Variants in MBNL2 observed in about 807,000 individuals in gnomAD.
MBNL2 encodes the protein muscleblind like splicing regulator 2.
MBNL2 carries 17 observed loss-of-function variants against 41.9 expected under a neutral mutation model. The observed-to-expected ratio is 0.41, with a 90% confidence interval of 0.28 to 0.61. The LOEUF is 0.61. MBNL2 is among the 20% of genes least tolerant of loss of function. The probability of loss-of-function intolerance (pLI) is 0.35; values close to 1 mark genes in which losing one functional copy is unlikely to be tolerated. For synonymous variants in MBNL2, 195 were observed against 182.9 expected, an observed-to-expected ratio of 1.07 and a Z score of -0.53; for missense variants, 336 against 505.6, an observed-to-expected ratio of 0.66 and a Z score of 3.22.
chr13:97,275,060 G>A (rs1321719260), intron 1 of MBNL2, among the ~76,000 whole-genome samples: 1 of 152,182 alleles, frequency 6.6e-6, no homozygotes, highest in African/African-American at 2.4e-5. Flanking sequence ...ATGTTGCAGT[G>A]TAAATAGGAA....
At chr13:97,187,593 TAAAAAAAAAAAAAAAAA>T in the MBNL2 span, among the ~76,000 whole-genome samples, 8 of 51,492 alleles carry the variant, frequency 1.6e-4, no homozygotes, top group African/African-American at 3.7e-4. Context: ...CTATGCAGCT[TAAAAAAAAAAAAAAAAA>T]AAAAAAAAAA....
the MBNL2 span, among the ~76,000 whole-genome samples, chr13:97,165,604 G>A: frequency 3.3e-5 from 5 of 152,066 alleles, no homozygotes; most frequent in South Asian, 2.1e-4. Flanking sequence ...AAATTAAAAT[G>A]TTTTAATAAT....
chr13:97,219,041 T>C (rs566657527), upstream of MBNL2, among the ~76,000 whole-genome samples: 7 of 152,222 alleles, frequency 4.6e-5, no homozygotes, highest in South Asian at 1.5e-3. Flanking sequence ...TCCATAAACA[T>C]TTTGGTGCTC....
chr13:97,316,302 C>T (rs2059048014), intron 2 of MBNL2, among the ~76,000 whole-genome samples: 1 of 152,186 alleles, frequency 6.6e-6, no homozygotes, highest in Non-Finnish European at 1.5e-5. Context: ...GTCTTCTTCC[C>T]CTGGGTGACC....
intron 3 of MBNL2, among the ~76,000 whole-genome samples, chr13:97,342,774 A>G (rs987562237): frequency 6.6e-6 from 1 of 152,206 alleles, no homozygotes; most frequent in African/African-American, 2.4e-5. Flanking sequence ...ACACTTTCAT[A>G]GGGACAAAAG....
At chr13:97,256,363 T>TA (rs2047529746) in intron 1 of MBNL2, among the ~76,000 whole-genome samples, 1 of 152,032 alleles carries the variant, frequency 6.6e-6, no homozygotes, top group Non-Finnish European at 1.5e-5. Flanking sequence ...TTTTTTTTTT[T>TA]AAATATTGGA....
intron 1 of MBNL2, among the ~76,000 whole-genome samples, chr13:97,229,122 A>G (rs1268694646): frequency 6.7e-6 from 1 of 148,580 alleles, no homozygotes; most frequent in Non-Finnish European, 1.5e-5. Context: ...TATTCTAAAA[A>G]TCTATAAATT....
chr13:97,359,220 G>GT (rs1300794604), intron 7 of MBNL2, among the ~76,000 whole-genome samples: 1 of 151,684 alleles, frequency 6.6e-6, no homozygotes, highest in Non-Finnish European at 1.5e-5. Context: ...GTCCTGTGTG[G>GT]TTTCTACAAA....
chr13:97,166,837 T>TAGATAGGAAGAAAGAAAGAA, the MBNL2 span, among the ~76,000 whole-genome samples: 1 of 143,384 alleles, frequency 7.0e-6, no homozygotes, highest in Non-Finnish European at 1.5e-5. Flanking sequence ...GATAGATAGA[T>TAGATAGGAAGAAAGAAAGAA]AGAAAGATAG....
intron 2 of MBNL2, among the ~76,000 whole-genome samples, chr13:97,295,944 G>A (rs2056943897): frequency 6.6e-6 from 1 of 152,048 alleles, no homozygotes; most frequent in Non-Finnish European, 1.5e-5. Flanking sequence ...AAATATATCT[G>A]GATAGTTTAA....
chr13:97,270,741 C>T (rs1457731600), intron 1 of MBNL2, among the ~76,000 whole-genome samples: 1 of 152,164 alleles, frequency 6.6e-6, no homozygotes, highest in Non-Finnish European at 1.5e-5. Flanking sequence ...TATTCTATTA[C>T]ATCTATATGT....
chr13:97,369,047 C>T (rs1442239794), intron 8 of MBNL2, among the ~76,000 whole-genome samples: 1 of 152,060 alleles, frequency 6.6e-6, no homozygotes, highest in Non-Finnish European at 1.5e-5. Context: ...GGTCTGCTTG[C>T]AGATAAAAAC....
chr13:97,279,250 TGAC>T (rs2052841916), intron 2 of MBNL2, among the ~76,000 whole-genome samples: 1 of 152,222 alleles, frequency 6.6e-6, no homozygotes, highest in Admixed American at 6.5e-5. Flanking sequence ...GACCAGGGCT[TGAC>T]TAAGCCTGGC....
At chr13:97,241,952 G>C (rs1244055365) in intron 1 of MBNL2, among the ~76,000 whole-genome samples, 2 of 152,152 alleles carry the variant, frequency 1.3e-5, no homozygotes, top group African/African-American at 4.8e-5. Context: ...AAAGCCAATA[G>C]GAGGAAATGA....
At chr13:97,311,694 G>A (rs1219966276) in intron 2 of MBNL2, among the ~76,000 whole-genome samples, 1 of 151,572 alleles carries the variant, frequency 6.6e-6, no homozygotes, top group African/African-American at 2.4e-5. Context: ...GTAGATGTGT[G>A]GTGCTCATGC....
chr13:97,283,746 C>T (rs932033847), intron 2 of MBNL2, among the ~76,000 whole-genome samples: 1 of 152,130 alleles, frequency 6.6e-6, no homozygotes, highest in Non-Finnish European at 1.5e-5. Flanking sequence ...GGTTACTTTA[C>T]AAATTTTCCC....
At chr13:97,153,967 GT>G in the MBNL2 span, among the ~76,000 whole-genome samples, 3 of 152,164 alleles carry the variant, frequency 2.0e-5, no homozygotes, top group African/African-American at 7.2e-5. Flanking sequence ...TTCTAAGTCT[GT>G]GCTATCCAGT....
intron 2 of MBNL2, among the ~76,000 whole-genome samples, chr13:97,322,074 G>A (rs2059546996): frequency 6.6e-6 from 1 of 152,196 alleles, no homozygotes; most frequent in Non-Finnish European, 1.5e-5. Context: ...AGTCCTGTGT[G>A]CAATTCCTTC....
intron 2 of MBNL2, among the ~76,000 whole-genome samples, chr13:97,298,685 A>G (rs1026352074): frequency 7.9e-5 from 12 of 152,204 alleles, no homozygotes; most frequent in African/African-American, 2.2e-4. Context: ...CTGTCAATAA[A>G]TCACCAATAA....
Sources: allele counts gnomAD v4.1 joint callset (sites outside exome capture counted in the v4.1 genomes callset), GRCh38; gene constraint gnomAD v4.1.1; transcripts MANE v1.5; gene names NCBI Gene and HGNC (gene_info 2026-07-23, HGNC 2026-07-21).